Variants in KATNB1 observed in about 807,000 individuals in gnomAD.
KATNB1 encodes the protein katanin regulatory subunit B1, also known as katanin p80 WD40 repeat-containing subunit B1.
A neutral mutation model predicts 82.3 loss-of-function variants in KATNB1; 38 were observed. The ratio of observed to expected loss-of-function variants is 0.46; its 90% confidence interval spans 0.36 to 0.61. KATNB1 has a LOEUF of 0.61. KATNB1 is among the 20% of genes least tolerant of loss of function. The pLI, the probability that KATNB1 is intolerant of heterozygous loss-of-function variation, is 0.00. For missense variants in KATNB1, 749 were observed against 915.7 expected (o/e 0.82, Z 2.35); for synonymous variants, 361 against 368.7 (o/e 0.98, Z 0.24).
rs1555579685 is a variant in KATNB1, at chr16:57,741,778, C to T, written c.132C>T (p.Arg44=). 6.2e-6 allele frequency: 10 copies of T among 1,613,552 alleles called. No homozygotes were observed. Among genetic ancestry groups the T allele is most frequent in the African/African-American group, 1.3e-5 (1 of 74,924 alleles). The part of the protein sequence containing the change: ...RLLATGGDDC[R]VNLWSINKPN... The stretch of plus-strand genomic sequence containing the variant: ...TGGCTACAGGCGGGGATGACTGCCG[C>T]GTCAACCTGTGGTCCATCAACAAGC... Residue 44 remains arginine (R), a synonymous_variant, in exon 3 of 20, where the codon CGC becomes CGT. Transcript: ENST00000379661.
rs567877786 is a variant in KATNB1, at chr16:57,753,621, TC to T, written c.1177+104del. The stretch of plus-strand genomic sequence containing the variant: ...GCTGTGGCTCCGCATCCCTTTAACT[TC>T]CTCCTAACCCACACCTGGGCTCCGT... On this transcript the variant is annotated intron_variant, in intron 12 of 19. Coordinates refer to ENST00000379661, the MANE Select transcript of KATNB1 (RefSeq NM_005886.3). 1.4e-6 allele frequency: 2 copies of T among 1,455,746 alleles called. 1 individual carries two copies. Among genetic ancestry groups the T allele is most frequent in the South Asian group, 2.5e-5 (2 of 79,922 alleles). The allele number at this position is 1,455,746 out of a possible 1,614,324, so 90.2% of individuals were successfully genotyped here. A position where few individuals can be genotyped will look rare whatever the true frequency, so the allele number is the denominator to read the frequency against.
rs569188115 is a variant in KATNB1, at chr16:57,754,988, G to A, written c.1287G>A (p.Pro429=). ...KPSPAMDVQF[P]VPNLEVLPRP... ...GCCCTGCCATGGATGTGCAGTTCCC[G>A]GTGCCAAATGTATGTCCATGGAGGG... Residue 429 remains proline (P), a synonymous_variant, in exon 14 of 20, where the codon CCG becomes CCA. Coordinates refer to ENST00000379661, the MANE Select transcript of KATNB1 (RefSeq NM_005886.3). The A allele has an allele frequency of 5.6e-5, 90 of 1,614,044 alleles. No homozygotes were observed. The highest frequency in any genetic ancestry group is 7.1e-5 in the Non-Finnish European group (84 of 1,180,042).
chr16:57,754,382 AAGAG>A (rs1247648386), intron 13 of KATNB1, among the ~76,000 whole-genome samples: 1 of 152,022 alleles, frequency 6.6e-6, no homozygotes, highest in Non-Finnish European at 1.5e-5. Context: ...GGCCAGTGAG[AAGAG>A]AGAGAGAGAA....
At chr16:57,736,433 T>C (rs755585421) in intron 1 of KATNB1, among the ~76,000 whole-genome samples, 4 of 152,134 alleles carry the variant, frequency 2.6e-5, no homozygotes, top group Non-Finnish European at 5.9e-5. Context: ...CATAGCCACT[T>C]ACGCCCAGAC....
chr16:57,751,035 C>A lies in KATNB1; in HGVS notation c.390+108C>A. The A allele has an allele frequency of 1.1e-6, 1 of 944,558 alleles. No homozygotes were observed. Among genetic ancestry groups the A allele is most frequent in the Non-Finnish European group, 1.7e-6 (1 of 589,910 alleles). 58.5% of individuals were successfully genotyped at this position (944,558 alleles called of 1,614,324 possible). The stretch of plus-strand genomic sequence containing the variant: ...GCTGAGGGGACCTCTTCCCTTTCTG[C>A]AGCCACATCCACACCATCCTAGGGA... On this transcript the variant is annotated intron_variant, in intron 5 of 19. Transcript: ENST00000379661. The surrounding 1 kb of genome is among the most constrained non-coding windows in gnomAD (Gnocchi z 6.3).
intron 4 of KATNB1, among the ~76,000 whole-genome samples, chr16:57,750,272 T>TGTG (rs1295530908): frequency 1.3e-5 from 2 of 151,534 alleles, no homozygotes; most frequent in African/African-American, 4.9e-5. Context: ...GTGGGGAGAG[T>TGTG]GTGGTACAAT....
At position 57,756,382 on chromosome 16, in the gene KATNB1, T is replaced by G; in HGVS notation, c.1745T>G (p.Leu582Arg). 1 of 1,614,016 alleles carries G rather than the reference T, an allele frequency of 6.2e-7. No individual in the cohort carries two copies. The highest frequency in any genetic ancestry group is 8.5e-7 in the Non-Finnish European group (1 of 1,179,998). Residue 582 changes from leucine to arginine, a missense_variant, in exon 19 of 20, where the codon CTG (leucine) becomes CGG (arginine). Around this residue, in one of 3 missense-constraint regions of KATNB1, gnomAD observed 95 missense variants for 131.6 expected, o/e 0.72. Coordinates refer to ENST00000379661, the MANE Select transcript of KATNB1 (RefSeq NM_005886.3). The stretch of plus-strand genomic sequence containing the variant: ...TACGTCCAGACGGGCTGCACCTCCC[T>G]GAAGCTGATCCTGCAGCGGTTTCTG... Reference protein sequence around the residue: ...ESYVQTGCTSLKLILQRFLPL... With the variant: ...ESYVQTGCTSRKLILQRFLPL...
In KATNB1 at chr16:57,756,880, A is replaced by G. The variant is rs782013174; in HGVS notation, c.1902A>G (p.Ser634=). 1 of 1,558,724 alleles carries G rather than the reference A, an allele frequency of 6.4e-7. No individual in the cohort carries two copies. The highest frequency in any genetic ancestry group is 8.7e-7 in the Non-Finnish European group (1 of 1,151,194). The part of the protein sequence containing the change: ...KSISGLVKSK[S]GLSGRHGSTF... The stretch of plus-strand genomic sequence containing the variant: ...TCAGCGGCCTGGTCAAGAGCAAGTC[A>G]GGCCTGAGCGGCCGCCATGGCAGTA... The change falls in exon 20 of 20, where the codon TCA becomes TCG. Residue 634 remains serine (S), a synonymous_variant. Coordinates refer to ENST00000379661, the MANE Select transcript of KATNB1 (RefSeq NM_005886.3).
chr16:57,755,239 G>A lies in KATNB1; in HGVS notation c.1416+1G>A, dbSNP rs376558334. 1.1e-5 allele frequency: 17 copies of A among 1,610,564 alleles called. No homozygotes were observed. The highest frequency in any genetic ancestry group is 1.4e-5 in the Non-Finnish European group (17 of 1,179,948). On this transcript the variant is annotated splice_donor_variant, in intron 15 of 19. Transcript: ENST00000379661. LOFTEE classifies it high-confidence loss of function. ...GCTGAAGGCCTCCGACTTCCTGCCC[G>A]TGAGTAGGAGCCCAGCTCGAGGCAT...
intron 4 of KATNB1, 38 bp downstream of exon 4, chr16:57,744,549 G>C (rs1555580799): frequency 6.7e-7 from 1 of 1,502,130 alleles, no homozygotes; most frequent in South Asian, 1.1e-5. Flanking sequence ...ACGCACACCT[G>C]CCTTAGTCTT....
chr16:57,749,054 G>A lies in KATNB1; in HGVS notation c.290-1773G>A, dbSNP rs2148793181. On this transcript the variant is annotated intron_variant, in intron 4 of 19. Coordinates refer to ENST00000379661, the MANE Select transcript of KATNB1 (RefSeq NM_005886.3). Reference sequence around the variant, plus strand: ...GTGCAGGTGAATTGGATATGCATTCGACAGACTCCAGAGGGATGTGAAAGT... The same window carrying A: ...GTGCAGGTGAATTGGATATGCATTCAACAGACTCCAGAGGGATGTGAAAGT... Among the ~76,000 whole-genome samples, 2 of 152,336 alleles carry A rather than the reference G, an allele frequency of 1.3e-5. 1 individual carries two copies. The highest frequency in any genetic ancestry group is 4.1e-4 in the South Asian group (2 of 4,828).
In KATNB1 at chr16:57,755,355, T is replaced by A; in HGVS notation, c.1427T>A (p.Ile476Asn). The A allele has an allele frequency of 6.2e-7, 1 of 1,613,040 alleles. No homozygotes were observed. The highest frequency in any genetic ancestry group is 1.7e-4 in the Middle Eastern group (1 of 6,060). ...KASDFLPAVK[I>N]PQQAELVDED... is the part of the protein sequence containing the mutation. ...GTCCATCCCACGCAGGCCGTGAAGA[T>A]CCCCCAGCAGGCCGAGCTGGTGGAC... Residue 476 changes from isoleucine to asparagine, a missense_variant, in exon 16 of 20, where the codon ATC becomes AAC. Physicochemically the swap from Ile to Asn is moderately radical, Grantham distance 149. This residue lies in a region of KATNB1 where 407 missense variants were observed against 434.7 expected (regional missense o/e 0.94). Transcript: ENST00000379661.
At chr16:57,741,893 A>T in intron 3 of KATNB1, 76 bp downstream of exon 3, 2 of 1,494,784 alleles carry the variant, frequency 1.3e-6, no homozygotes, top group Non-Finnish European at 1.8e-6. Flanking sequence ...GAGGCTGAAG[A>T]GTGAGCAGCT....
chr16:57,755,531 C>A, intron 16 of KATNB1, 37 bp downstream of exon 16: 2 of 1,592,900 alleles, frequency 1.3e-6, no homozygotes, highest in South Asian at 1.1e-5. Context: ...TCATCTCGCC[C>A]CCCTGCCCCT....
chr16:57,752,301 G>A, intron 8 of KATNB1: 1 of 625,566 alleles, frequency 1.6e-6, no homozygotes, highest in African/African-American at 1.8e-5. Context: ...AAGGCATCTA[G>A]TGGGACCCCA....
chr16:57,751,247 T>C lies in KATNB1; in HGVS notation c.391-14T>C, dbSNP rs373175914. On this transcript the variant is annotated splice_polypyrimidine_tract_variant and intron_variant, in intron 5 of 19. Transcript: ENST00000379661. The surrounding 1 kb of genome is among the most constrained non-coding windows in gnomAD (Gnocchi z 6.3). ...TCTCCTGACTCTGCCCCTCTGCTTCTCTCTCCCCCACAGCTCTGGGACATC... is the reference window on the plus strand; with the variant it reads ...TCTCCTGACTCTGCCCCTCTGCTTCCCTCTCCCCCACAGCTCTGGGACATC... 218 of 1,613,588 alleles carry C rather than the reference T, an allele frequency of 1.4e-4. No individual in the cohort carries two copies. Among genetic ancestry groups the C allele is most frequent in the Non-Finnish European group, 1.7e-4 (199 of 1,179,604 alleles).
At chr16:57,745,105 AC>A (rs2049173670) in intron 4 of KATNB1, among the ~76,000 whole-genome samples, 1 of 151,948 alleles carries the variant, frequency 6.6e-6, no homozygotes, top group African/African-American at 2.4e-5. Flanking sequence ...CTTCTGCCCC[AC>A]TCCTTCCCAT....
At chr16:57,752,668 C>A in intron 9 of KATNB1, 67 bp downstream of exon 9, 1 of 1,545,366 alleles carries the variant, frequency 6.5e-7, no homozygotes, top group Non-Finnish European at 8.7e-7. Flanking sequence ...GTGGGTGGGC[C>A]TTTCCCATCT....
Position 57,750,807 on chromosome 16 carries a change from T to C in KATNB1, c.290-20T>C. ...TCTCATTTGCCTCTTAGCCACTGTC[T>C]CTGCTTTCCTTCTTGTTAGTTCTTC... is the stretch of plus-strand genomic sequence containing the variant. On this transcript the variant is annotated intron_variant, in intron 4 of 19. Coordinates refer to ENST00000379661, the MANE Select transcript of KATNB1 (RefSeq NM_005886.3). 1.2e-6 allele frequency: 2 copies of C among 1,605,818 alleles called. No homozygotes were observed. The highest frequency in any genetic ancestry group is 1.7e-6 in the Non-Finnish European group (2 of 1,172,372).
Sources: allele counts gnomAD v4.1 joint callset (sites outside exome capture counted in the v4.1 genomes callset), GRCh38; gene constraint gnomAD v4.1.1; regional missense constraint gnomAD v4.1.1; non-coding constraint Gnocchi (gnomAD v3.1); transcripts MANE v1.5; gene names NCBI Gene and HGNC (gene_info 2026-07-23, HGNC 2026-07-21).